Variants in KIAA1328 observed in about 807,000 individuals in gnomAD.
KIAA1328 encodes KIAA1328, also known as protein hinderin.
In KIAA1328, 52 loss-of-function variants were observed where a neutral mutation model predicts 68.1. The ratio of observed to expected loss-of-function variants is 0.76; its 90% CI spans 0.61 to 0.96. The LOEUF (loss-of-function observed/expected upper bound fraction) is 0.96, where lower values mean the gene tolerates loss of function less well. KIAA1328 is among the 40% of genes least tolerant of loss of function. KIAA1328 has a pLI of 0.00. For missense variants in KIAA1328, 641 were observed against 677.6 expected (o/e 0.95, Z 0.60); for synonymous variants, 232 against 239.4 (o/e 0.97, Z 0.28).
intron 5 of KIAA1328, among the ~76,000 whole-genome samples, chr18:36,895,223 A>G (rs2048830696): frequency 6.6e-6 from 1 of 152,200 alleles, no homozygotes; most frequent in Non-Finnish European, 1.5e-5. Flanking sequence ...GATTTTTAGT[A>G]AGAAAACTTA....
intron 6 of KIAA1328, among the ~76,000 whole-genome samples, chr18:37,035,690 T>C (rs1191595586): frequency 6.6e-6 from 1 of 152,222 alleles, no homozygotes; most frequent in Non-Finnish European, 1.5e-5. Context: ...TTATCCATTC[T>C]TGTATGATGT....
At chr18:37,145,645 A>G (rs1331626579) in intron 7 of KIAA1328, among the ~76,000 whole-genome samples, 2 of 152,272 alleles carry the variant, frequency 1.3e-5, no homozygotes, top group East Asian at 1.9e-4. Context: ...TTCTAGATGC[A>G]TATGTGTTTA....
At position 37,224,406 on chromosome 18, in the gene KIAA1328, A is replaced by G; in HGVS notation, c.*2179A>G. 1 of 985,358 alleles carries G rather than the reference A, an allele frequency of 1.0e-6. No individual in the cohort carries two copies. Among genetic ancestry groups the G allele is most frequent in the Non-Finnish European group, 1.2e-6 (1 of 829,920 alleles). 61.0% of individuals were successfully genotyped at this position (985,358 alleles called of 1,614,324 possible). ...GAATGGCCAATTTGGAAAAGCAGAG[A>G]TGGGCTTTCAGCAGAATATCAACCA... is the stretch of plus-strand genomic sequence containing the variant. On this transcript the variant is annotated 3_prime_UTR_variant, in exon 10 of 10. Coordinates refer to ENST00000280020, the MANE Select transcript of KIAA1328 (RefSeq NM_020776.3).
chr18:37,148,408 T>C (rs2058953689), intron 7 of KIAA1328, among the ~76,000 whole-genome samples: 2 of 152,212 alleles, frequency 1.3e-5, no homozygotes, highest in Non-Finnish European at 2.9e-5. Context: ...TCCATGTCTT[T>C]GCTATTGCGA....
chr18:37,152,015 A>G (rs2059042514), intron 7 of KIAA1328, among the ~76,000 whole-genome samples: 2 of 147,580 alleles, frequency 1.4e-5, no homozygotes. Context: ...TAGCCCAGTC[A>G]TGGCTAGGTG....
chr18:37,217,797 A>G (rs2060475138), intron 9 of KIAA1328, among the ~76,000 whole-genome samples: 1 of 152,196 alleles, frequency 6.6e-6, no homozygotes, highest in Non-Finnish European at 1.5e-5. Flanking sequence ...TGTCACTTTC[A>G]GGTACACCAA....
rs541596553 is a variant in KIAA1328, at chr18:37,023,627, T to G, written c.577-43263T>G. 3.0e-4 allele frequency among the ~76,000 whole-genome samples: 45 copies of G among 152,292 alleles called. 1 individual carries two copies. The South Asian group carries it at 9.1e-3, about 31-fold the overall frequency. On this transcript the variant is annotated intron_variant, in intron 6 of 9. Coordinates refer to ENST00000280020, the MANE Select transcript of KIAA1328 (RefSeq NM_020776.3). ...TTCTGAAAGAAGATTCATTTTTGTT[T>G]TATTCACATCTGGGAAGACCTGTCA...
chr18:37,199,059 A>G (rs2586791), intron 9 of KIAA1328, among the ~76,000 whole-genome samples: 42,094 of 152,138 alleles, frequency 0.28, 9,367 homozygotes, highest in African/African-American at 0.62. Context: ...ATATTTGGGG[A>G]GAGAGATCAA....
intron 5 of KIAA1328, among the ~76,000 whole-genome samples, chr18:36,942,619 A>G (rs2050755674): frequency 1.3e-5 from 2 of 152,050 alleles, no homozygotes; most frequent in South Asian, 4.1e-4. Context: ...TCATTTTATA[A>G]TCTGAATGTA....
chr18:37,106,566 G>T (rs1320437111), intron 7 of KIAA1328, among the ~76,000 whole-genome samples: 1 of 151,954 alleles, frequency 6.6e-6, no homozygotes, highest in Non-Finnish European at 1.5e-5. Flanking sequence ...CTACAGGCGT[G>T]CCCCACCACG....
intron 5 of KIAA1328, among the ~76,000 whole-genome samples, chr18:36,895,259 A>G (rs1400742858): frequency 4.6e-5 from 7 of 152,266 alleles, no homozygotes; most frequent in African/African-American, 7.2e-5. Context: ...CAGCTACTTT[A>G]TACTTTTGTG....
chr18:36,919,693 G>C (rs1421380785), intron 5 of KIAA1328, among the ~76,000 whole-genome samples: 2 of 152,140 alleles, frequency 1.3e-5, no homozygotes. Flanking sequence ...CCCACCAGCA[G>C]TGTATAAGCA....
chr18:37,000,582 G>A (rs557102666), intron 6 of KIAA1328, among the ~76,000 whole-genome samples: 1 of 152,096 alleles, frequency 6.6e-6, no homozygotes, highest in Non-Finnish European at 1.5e-5. Context: ...CTCCAGGATA[G>A]ACCATATGTT....
At chr18:37,080,547 C>A (rs532683621) in intron 7 of KIAA1328, among the ~76,000 whole-genome samples, 1 of 151,948 alleles carries the variant, frequency 6.6e-6, no homozygotes, top group Non-Finnish European at 1.5e-5. Flanking sequence ...GAGGCCGAGG[C>A]GGGTGGATCA....
At chr18:36,913,531 A>C in intron 5 of KIAA1328, among the ~76,000 whole-genome samples, 1 of 82,878 alleles carries the variant, frequency 1.2e-5, no homozygotes, top group Non-Finnish European at 2.6e-5. Context: ...CACTTAGAGG[A>C]AAGCAACTGC....
At chr18:37,142,009 T>C (rs1556899992) in intron 7 of KIAA1328, among the ~76,000 whole-genome samples, 1 of 152,226 alleles carries the variant, frequency 6.6e-6, no homozygotes, top group Non-Finnish European at 1.5e-5. Context: ...TAACTTGTTA[T>C]GTCTTTAATG....
Position 36,866,948 on chromosome 18 carries a change from T to G in KIAA1328, c.333-18609T>G, listed in dbSNP as rs571764650. On this transcript the variant is annotated intron_variant, in intron 4 of 9. Coordinates refer to ENST00000280020, the MANE Select transcript of KIAA1328 (RefSeq NM_020776.3). ...ACTAACACTATTTTGGAGAAGTCAC[T>G]CAGAGTGCTTGGTACCCAACACTGT... Among the ~76,000 whole-genome samples the G allele has an allele frequency of 9.2e-5, 14 of 152,324 alleles. No individual in the cohort carries two copies. In the South Asian group the frequency reaches 2.9e-3, roughly 32 times the overall value.
At chr18:37,094,953 C>CA (rs34821590) in intron 7 of KIAA1328, among the ~76,000 whole-genome samples, 1,536 of 136,954 alleles carry the variant, frequency 0.011, 49 homozygotes, top group Admixed American at 0.065. Flanking sequence ...GGTTTTATGT[C>CA]AAAAAAAAAA....
rs2060599097 is a variant in KIAA1328, at chr18:37,223,415, G to A, written c.*1188G>A. The A allele has an allele frequency of 1.0e-6, 1 of 985,274 alleles. No homozygotes were observed. The highest frequency in any genetic ancestry group is 1.2e-6 in the Non-Finnish European group (1 of 829,958). The allele number at this position is 985,274 out of a possible 1,614,324, so 61.0% of individuals were successfully genotyped here. ...GCTCTTGAGATGGGTCCTTCAGCTT[G>A]CAGTGGTCCCTAGTAGCCTCTCAAG... On this transcript the variant is annotated 3_prime_UTR_variant, in exon 10 of 10. Coordinates refer to ENST00000280020, the MANE Select transcript of KIAA1328 (RefSeq NM_020776.3).
Sources: allele counts gnomAD v4.1 joint callset (sites outside exome capture counted in the v4.1 genomes callset), GRCh38; gene constraint gnomAD v4.1.1; transcripts MANE v1.5; gene names NCBI Gene and HGNC (gene_info 2026-07-23, HGNC 2026-07-21).